ATP11A: variants seen among roughly 807,000 people sequenced by gnomAD.
ATP11A encodes ATPase phospholipid transporting 11A.
In ATP11A, 81 loss-of-function variants were observed where a neutral mutation model predicts 154.4. The ratio of observed to expected loss-of-function variants is 0.52; its 90% CI spans 0.44 to 0.63. The LOEUF (loss-of-function observed/expected upper bound fraction) is 0.63, where lower values mean the gene tolerates loss of function less well. Among genes scored for constraint, ATP11A ranks in the 30% least tolerant of loss-of-function variants. The pLI is 0.00. For synonymous variants in ATP11A, 623 were observed against 585.9 expected, an observed-to-expected ratio of 1.06 and a Z score of -0.91; for missense variants, 1,316 against 1,474.3, an observed-to-expected ratio of 0.89 and a Z score of 1.76.
intron 1 of ATP11A, among the ~76,000 whole-genome samples, chr13:112,765,762 C>T (rs1005654023): frequency 1.3e-5 from 2 of 152,322 alleles, no homozygotes; most frequent in African/African-American, 4.8e-5. Context: ...TCTGACTGAC[C>T]GGAGCCTGCT....
chr13:112,768,517 C>T (rs530032227), intron 1 of ATP11A, among the ~76,000 whole-genome samples: 1 of 152,316 alleles, frequency 6.6e-6, no homozygotes, highest in African/African-American at 2.4e-5. Context: ...CGCAGTCCTG[C>T]AGTTGTCTTC....
chr13:112,857,618 T>C (rs571813041), intron 20 of ATP11A, among the ~76,000 whole-genome samples, 200 bp from the exon 21 acceptor site: 1 of 152,236 alleles, frequency 6.6e-6, no homozygotes, highest in African/African-American at 2.4e-5. Context: ...TCTTTTACTT[T>C]ATTTTGTTTT....
rs2080988259 is a variant in ATP11A, at chr13:112,886,891, A to G, written c.*5025A>G. 1.3e-5 allele frequency: 2 copies of G among 152,344 alleles called. No individual in the cohort carries two copies. The highest frequency in any genetic ancestry group is 2.9e-5 in the Non-Finnish European group (2 of 68,048). 9.4% of individuals were successfully genotyped at this position (152,344 alleles called of 1,614,324 possible). On this transcript the variant is annotated 3_prime_UTR_variant, in exon 30 of 30. Transcript: ENST00000375645. ...GGAGTTTATTTTTAAATTATTAAAC[A>G]TAGTAGGTGCATTAACATAAATCAG... is the stretch of plus-strand genomic sequence containing the variant.
rs148708124 is a variant in ATP11A at position 112,753,640 on chromosome 13, A to G, written c.40-31495A>G. Among the ~76,000 whole-genome samples the G allele has an allele frequency of 1.3e-5, 2 of 152,242 alleles. No homozygotes were observed. Among genetic ancestry groups the G allele is most frequent in the South Asian group, 2.1e-4 (1 of 4,824 alleles). On this transcript the variant is annotated intron_variant, in intron 1 of 29. Coordinates refer to ENST00000375645, the MANE Select transcript of ATP11A (RefSeq NM_015205.3). The surrounding 1 kb of genome is among the most constrained non-coding windows in gnomAD (Gnocchi z 4.1). ...AACAGCTTGTTTATATCTTTTGCCC[A>G]TCTTTCATTTGGGTTGTGTCTTGAG...
intron 21 of ATP11A, 99 bp downstream of exon 21, chr13:112,858,019 C>G (rs1281314890): frequency 6.4e-7 from 1 of 1,556,250 alleles, no homozygotes; most frequent in African/African-American, 1.4e-5. Flanking sequence ...AGGACACCCC[C>G]GTCACCACCC....
intron 1 of ATP11A, among the ~76,000 whole-genome samples, chr13:112,734,607 G>T (rs1386344336): frequency 2.6e-5 from 4 of 152,178 alleles, no homozygotes; most frequent in Non-Finnish European, 5.9e-5. Flanking sequence ...GACAAATGCA[G>T]ACTTCGAAAA....
chr13:112,759,512 C>T (rs541848052), intron 1 of ATP11A, among the ~76,000 whole-genome samples: 3 of 152,204 alleles, frequency 2.0e-5, no homozygotes, highest in South Asian at 2.1e-4. Context: ...CCAGCTGTGA[C>T]GATGACTTTT....
At chr13:112,871,848 T>C in intron 26 of ATP11A, 48 bp downstream of exon 26, 1 of 1,554,230 alleles carries the variant, frequency 6.4e-7, no homozygotes. Context: ...AGTGAACCCC[T>C]GCAGTGTAGG....
intron 24 of ATP11A, among the ~76,000 whole-genome samples, chr13:112,861,492 C>T (rs959857388): frequency 1.6e-4 from 24 of 152,228 alleles, no homozygotes; most frequent in African/African-American, 4.8e-4. Flanking sequence ...CCTGCACTTA[C>T]GTACATGTGT....
At chr13:112,813,008 T>C (rs1000754478) in intron 5 of ATP11A, among the ~76,000 whole-genome samples, 9 of 152,358 alleles carry the variant, frequency 5.9e-5, no homozygotes, top group African/African-American at 2.2e-4. Flanking sequence ...ATTGAATTTT[T>C]AATGTATCGG....
In ATP11A at chr13:112,871,752, G is replaced by A. The variant is rs113642918; in HGVS notation, c.3009G>A (p.Thr1003=). The change falls in exon 26 of 30, where the codon ACG becomes ACA. Residue 1003 remains threonine (T), a synonymous_variant. Coordinates refer to ENST00000375645, the MANE Select transcript of ATP11A (RefSeq NM_015205.3). The stretch of plus-strand genomic sequence containing the variant: ...CCAAACAGATATTTGGAAACTGGAC[G>A]TTTGGAACGCTGGTATTCACCGTGA... The part of the protein sequence containing the change: ...TSNGQIFGNW[T]FGTLVFTVMV... 16,887 of 1,614,076 alleles carry A rather than the reference G, an allele frequency of 0.01. 94 individuals carry two copies. The highest frequency in any genetic ancestry group is 0.012 in the Non-Finnish European group (14,258 of 1,179,928).
intron 6 of ATP11A, among the ~76,000 whole-genome samples, chr13:112,818,330 C>T (rs965894891): frequency 2.1e-4 from 32 of 150,122 alleles, no homozygotes; most frequent in Middle Eastern, 6.9e-3. Context: ...GGGCGGTGAC[C>T]GTTGGTGCGC....
At chr13:112,868,216 C>T (rs116888349) in intron 25 of ATP11A, among the ~76,000 whole-genome samples, 7 of 152,334 alleles carry the variant, frequency 4.6e-5, no homozygotes, top group East Asian at 1.9e-4. Flanking sequence ...AGCTGAAACA[C>T]GAGCGGTCCG....
chr13:112,844,663 G>A lies in ATP11A; in HGVS notation c.1809+2284G>A, dbSNP rs1005341341. ...CCGTGTGGGCCCGTTCATTTCTGTC[G>A]TGAGGAACAGCAGCACTCGTTCAGT... is the stretch of plus-strand genomic sequence containing the variant. On this transcript the variant is annotated intron_variant, in intron 17 of 29. Coordinates refer to ENST00000375645, the MANE Select transcript of ATP11A (RefSeq NM_015205.3). Among the ~76,000 whole-genome samples, 9 of 152,174 alleles carry A rather than the reference G, an allele frequency of 5.9e-5. No homozygotes were observed. The East Asian group carries it at 9.6e-4, about 16-fold the overall frequency.
intron 1 of ATP11A, among the ~76,000 whole-genome samples, chr13:112,721,450 G>A (rs907214219): frequency 2.0e-5 from 3 of 152,202 alleles, no homozygotes; most frequent in African/African-American, 4.8e-5. Context: ...GAGGGAAGCC[G>A]GGTACTCCAG....
At chr13:112,782,510 TA>T (rs1290481691) in intron 1 of ATP11A, among the ~76,000 whole-genome samples, 3 of 152,278 alleles carry the variant, frequency 2.0e-5, no homozygotes, top group Non-Finnish European at 4.4e-5. Context: ...TCTATTTGGC[TA>T]TGTTCTGTGA....
intron 1 of ATP11A, among the ~76,000 whole-genome samples, chr13:112,691,219 C>G (rs1174760727): frequency 3.3e-5 from 5 of 152,010 alleles, no homozygotes; most frequent in Non-Finnish European, 5.9e-5. Flanking sequence ...AATCCCAGCA[C>G]TTTTGGAGGC....
intron 1 of ATP11A, among the ~76,000 whole-genome samples, chr13:112,703,018 C>T (rs1369779367): frequency 6.6e-6 from 1 of 152,262 alleles, no homozygotes; most frequent in African/African-American, 2.4e-5. Flanking sequence ...GCTGAGATTA[C>T]AAACTTAAAT....
chr13:112,739,751 G>A (rs958248905), intron 1 of ATP11A, among the ~76,000 whole-genome samples: 1 of 152,192 alleles, frequency 6.6e-6, no homozygotes, highest in African/African-American at 2.4e-5. Context: ...AGACGAATGG[G>A]TAAACAATGT....
Sources: gnomAD v4.1 joint callset for allele counts (sites outside exome capture counted in the v4.1 genomes callset) on GRCh38, gnomAD v4.1.1 for gene constraint, Gnocchi (gnomAD v3.1) non-coding constraint, MANE v1.5 for transcripts, NCBI Gene and HGNC (gene_info 2026-07-23, HGNC 2026-07-21) for gene names.